OCA2: variants seen among roughly 807,000 people sequenced by gnomAD.
OCA2 encodes the protein OCA2 melanosomal transmembrane protein, also known as P protein.
Under a neutral mutation model 100.2 loss-of-function variants are expected in OCA2, and 77 were observed. That is an observed-to-expected ratio of 0.77 (90% CI 0.64 to 0.93). The LOEUF is 0.93. OCA2 is among the 40% of genes least tolerant of loss of function. OCA2 has a pLI of 0.00. For synonymous variants in OCA2, 432 were observed against 439.2 expected (o/e 0.98, Z 0.21); for missense variants, 1,062 against 1,089.1 (o/e 0.98, Z 0.35).
rs1173694746 is a variant in OCA2 at position 27,770,880 on chromosome 15, T to TCCC, written c.2433-15409_2433-15408insGGG. ...TTTCTTCCTTCCTTCCCTCCTTCCT[T>TCCC]TGCTCCTTCCCATCTCCTTTTCCTT... is the stretch of plus-strand genomic sequence containing the variant. On this transcript the variant is annotated intron_variant, in intron 23 of 23. Coordinates refer to ENST00000354638, the MANE Select transcript of OCA2 (RefSeq NM_000275.3). Among the ~76,000 whole-genome samples, 179 of 62,340 alleles carry TCCC rather than the reference T, an allele frequency of 2.9e-3. 4 individuals carry two copies. Among genetic ancestry groups the TCCC allele is most frequent in the African/African-American group, 9.7e-3 (168 of 17,404 alleles). 40.9% of individuals were successfully genotyped at this position (62,340 alleles called of 152,430 possible).
At chr15:28,031,182 C>T (rs2042897816) in intron 3 of OCA2, among the ~76,000 whole-genome samples, 1 of 152,150 alleles carries the variant, frequency 6.6e-6, no homozygotes, top group Admixed American at 6.5e-5. Flanking sequence ...TTGTTTTCTG[C>T]CTATATGGAT....
At chr15:27,841,109 C>G (rs1320948639) in intron 23 of OCA2, among the ~76,000 whole-genome samples, 2 of 152,186 alleles carry the variant, frequency 1.3e-5, no homozygotes, top group Non-Finnish European at 2.9e-5. Context: ...GTGGTCCATC[C>G]ATACCATGGA....
the OCA2 span, among the ~76,000 whole-genome samples, chr15:27,735,724 GAAAAAAACAAAAC>G: frequency 6.6e-6 from 1 of 151,080 alleles, no homozygotes; most frequent in South Asian, 2.1e-4. Flanking sequence ...AGTACTGAAG[GAAAAAAACAAAAC>G]AAAAAAACAA....
At chr15:27,833,783 T>C (rs2035048387) in intron 23 of OCA2, among the ~76,000 whole-genome samples, 1 of 152,112 alleles carries the variant, frequency 6.6e-6, no homozygotes, top group African/African-American at 2.4e-5. Context: ...TCTAAGCGTA[T>C]AAAGAAACAC....
Position 28,013,730 on chromosome 15 carries a change from G to A in OCA2, c.1044+1046C>T, listed in dbSNP as rs376531981. Among the ~76,000 whole-genome samples, 270 of 152,248 alleles carry A rather than the reference G, an allele frequency of 1.8e-3. 2 individuals carry two copies. The highest frequency in any genetic ancestry group is 4.9e-3 in the African/African-American group (203 of 41,542). On this transcript the variant is annotated intron_variant, in intron 9 of 23. Transcript: ENST00000354638. ...CCAGGCTCAGCAGGTTTCCACTGCCGGGCATGGCAATAAACCCCAGCCCAG... is the reference window on the plus strand; with the variant it reads ...CCAGGCTCAGCAGGTTTCCACTGCCAGGCATGGCAATAAACCCCAGCCCAG...
chr15:27,808,411 A>G (rs8036718), intron 23 of OCA2, among the ~76,000 whole-genome samples: 111,124 of 152,184 alleles, frequency 0.73, 41,946 homozygotes, highest in East Asian at 1. Flanking sequence ...CAGAGGCAGC[A>G]AGGACCGCTG....
At chr15:28,089,141 C>T (rs1183140278) in intron 1 of OCA2, among the ~76,000 whole-genome samples, 1 of 152,176 alleles carries the variant, frequency 6.6e-6, no homozygotes, top group Non-Finnish European at 1.5e-5. Context: ...GGCTCTGTTC[C>T]TCCCGGCCCA....
At chr15:27,956,044 G>C (rs563858717) in intron 16 of OCA2, among the ~76,000 whole-genome samples, 1 of 152,120 alleles carries the variant, frequency 6.6e-6, no homozygotes, top group Admixed American at 6.5e-5. Flanking sequence ...TTTTTAAAAA[G>C]AAAATGTAAA....
chr15:27,879,325 T>C (rs2036918548), intron 19 of OCA2, among the ~76,000 whole-genome samples: 1 of 152,198 alleles, frequency 6.6e-6, no homozygotes, highest in Non-Finnish European at 1.5e-5. Flanking sequence ...TATAAGTGCA[T>C]GTATCTTTAT....
At chr15:28,076,396 T>G (rs2044426316) in intron 2 of OCA2, among the ~76,000 whole-genome samples, 2 of 152,228 alleles carry the variant, frequency 1.3e-5, no homozygotes, top group Admixed American at 6.5e-5. Context: ...ATCAAATATA[T>G]TCCTGCTAAG....
At chr15:27,719,882 T>C in the OCA2 span, among the ~76,000 whole-genome samples, 2 of 152,130 alleles carry the variant, frequency 1.3e-5, no homozygotes. Flanking sequence ...ACTGACCATG[T>C]CACTCATGTC....
At chr15:27,768,256 A>G (rs529802586) in intron 23 of OCA2, among the ~76,000 whole-genome samples, 13 of 152,318 alleles carry the variant, frequency 8.5e-5, no homozygotes, top group African/African-American at 2.9e-4. Flanking sequence ...TCATGAAAAA[A>G]ATTCTTCTAT....
At chr15:27,762,506 A>G (rs551846761) in intron 23 of OCA2, among the ~76,000 whole-genome samples, 1 of 152,352 alleles carries the variant, frequency 6.6e-6, no homozygotes, top group East Asian at 1.9e-4. Context: ...TCTTTAACCC[A>G]TGACTTATTG....
intron 18 of OCA2, among the ~76,000 whole-genome samples, chr15:27,943,829 C>A (rs2039737386): frequency 6.6e-6 from 1 of 152,122 alleles, no homozygotes; most frequent in Non-Finnish European, 1.5e-5. Context: ...CCTTATCCTG[C>A]CCCCTGCTTC....
intron 21 of OCA2, among the ~76,000 whole-genome samples, chr15:27,868,019 G>C (rs189880003): frequency 6.6e-6 from 1 of 152,300 alleles, no homozygotes; most frequent in African/African-American, 2.4e-5. Context: ...ACTGTGGGAG[G>C]AGCTGGGGCA....
the OCA2 span, among the ~76,000 whole-genome samples, chr15:27,722,749 CTTCT>C: frequency 0.016 from 2,014 of 129,688 alleles, 75 homozygotes; most frequent in African/African-American, 0.056. Flanking sequence ...CTTCTTTCTT[CTTCT>C]TTCCTTCCTT....
intron 9 of OCA2, among the ~76,000 whole-genome samples, chr15:28,005,325 G>C (rs1315918605): frequency 2.0e-5 from 3 of 152,048 alleles, no homozygotes; most frequent in Admixed American, 1.3e-4. Flanking sequence ...ATCTCCCCAA[G>C]CTCACATCTC....
At chr15:27,912,724 T>C (rs1332423596) in intron 19 of OCA2, among the ~76,000 whole-genome samples, 2 of 152,238 alleles carry the variant, frequency 1.3e-5, no homozygotes, top group African/African-American at 4.8e-5. Context: ...AAAGAGCTAC[T>C]GACAAATGCT....
intron 2 of OCA2, among the ~76,000 whole-genome samples, chr15:28,042,594 T>C (rs2043236941): frequency 6.6e-6 from 1 of 151,858 alleles, no homozygotes; most frequent in South Asian, 2.1e-4. Flanking sequence ...GAACCAAGAT[T>C]GCACCACCGC....
Sources: gnomAD v4.1 joint callset for allele counts (sites outside exome capture counted in the v4.1 genomes callset) on GRCh38, gnomAD v4.1.1 for gene constraint, MANE v1.5 for transcripts, NCBI Gene and HGNC (gene_info 2026-07-23, HGNC 2026-07-21) for gene names.